Variants in TMEM108 observed in about 807,000 individuals in gnomAD.
TMEM108 encodes cancer/testis antigen 124.
TMEM108 carries 12 observed loss-of-function variants against 35.1 expected under a neutral mutation model. That is an observed-to-expected ratio of 0.34 (90% CI 0.22 to 0.55). TMEM108 has a LOEUF of 0.55. Among genes scored for constraint, TMEM108 ranks in the 20% least tolerant of loss-of-function variants. The pLI is 0.89. For synonymous variants in TMEM108, 287 were observed against 308.6 expected (o/e 0.93, Z 0.73); for missense variants, 680 against 753.3 (o/e 0.90, Z 1.14).
intron 3 of TMEM108, among the ~76,000 whole-genome samples, chr3:133,240,081 C>T (rs1946291940): frequency 6.6e-6 from 1 of 152,156 alleles, no homozygotes; most frequent in South Asian, 2.1e-4. Context: ...GCAGCTGTCT[C>T]ATTTTAGAAC....
intron 3 of TMEM108, among the ~76,000 whole-genome samples, chr3:133,264,113 C>G (rs1445235010): frequency 6.6e-6 from 1 of 152,114 alleles, no homozygotes; most frequent in Non-Finnish European, 1.5e-5. Flanking sequence ...CAAGACCAGT[C>G]TGAGAAACGT....
At chr3:133,166,659 T>C (rs1945042604) in intron 2 of TMEM108, among the ~76,000 whole-genome samples, 1 of 152,136 alleles carries the variant, frequency 6.6e-6, no homozygotes, top group Non-Finnish European at 1.5e-5. Context: ...TGTTCATTCC[T>C]CCCGGTGGGT....
intron 2 of TMEM108, among the ~76,000 whole-genome samples, chr3:133,074,966 T>A (rs1416906013): frequency 4.0e-5 from 6 of 151,828 alleles, no homozygotes; most frequent in Non-Finnish European, 2.9e-5. Context: ...TATTATAAAA[T>A]ATGTATTGTG....
chr3:133,069,970 A>G (rs1447921757), intron 2 of TMEM108, among the ~76,000 whole-genome samples: 2 of 152,054 alleles, frequency 1.3e-5, no homozygotes, highest in African/African-American at 4.8e-5. Flanking sequence ...TAAATTTCTC[A>G]TCTTCCTATC....
chr3:133,206,830 G>A (rs1945762107), intron 2 of TMEM108, among the ~76,000 whole-genome samples: 2 of 152,200 alleles, frequency 1.3e-5, no homozygotes, highest in South Asian at 4.1e-4. Flanking sequence ...CTTGAGCACT[G>A]TGCTGGGAGA....
At chr3:133,188,504 A>ATGGT (rs2107811668) in intron 2 of TMEM108, among the ~76,000 whole-genome samples, 1 of 151,788 alleles carries the variant, frequency 6.6e-6, no homozygotes, top group South Asian at 2.1e-4. Flanking sequence ...TTTGGCCACC[A>ATGGT]GTTCCAGGTT....
At chr3:133,111,764 A>T (rs1357415118) in intron 2 of TMEM108, among the ~76,000 whole-genome samples, 2 of 152,184 alleles carry the variant, frequency 1.3e-5, no homozygotes, top group Non-Finnish European at 2.9e-5. Flanking sequence ...CTTGTTCTTC[A>T]TACCTTACAG....
At chr3:133,312,748 A>G (rs1415596249) in intron 3 of TMEM108, among the ~76,000 whole-genome samples, 1 of 152,216 alleles carries the variant, frequency 6.6e-6, no homozygotes, top group East Asian at 1.9e-4. Context: ...CTGTCCAACC[A>G]GTCCCAGTGA....
chr3:133,128,537 T>C (rs897657764), intron 2 of TMEM108, among the ~76,000 whole-genome samples: 1 of 152,202 alleles, frequency 6.6e-6, no homozygotes, highest in Non-Finnish European at 1.5e-5. Flanking sequence ...AGGATCTTTA[T>C]TGCCTTTATT....
At chr3:133,216,708 G>C (rs778939744) in intron 2 of TMEM108, among the ~76,000 whole-genome samples, 1 of 151,996 alleles carries the variant, frequency 6.6e-6, no homozygotes, top group Non-Finnish European at 1.5e-5. Flanking sequence ...TCTGTGCTGG[G>C]CTTATTTCAC....
chr3:133,299,821 A>G (rs569185790), intron 3 of TMEM108, among the ~76,000 whole-genome samples: 1 of 152,290 alleles, frequency 6.6e-6, no homozygotes, highest in Non-Finnish European at 1.5e-5. Flanking sequence ...TTTAACAATC[A>G]TACATCTGTT....
At chr3:133,122,390 T>C (rs1032149027) in intron 2 of TMEM108, among the ~76,000 whole-genome samples, 1 of 152,206 alleles carries the variant, frequency 6.6e-6, no homozygotes, top group African/African-American at 2.4e-5. Context: ...TTCTGTAGTT[T>C]CTTGCTTGCT....
At chr3:133,201,177 A>C (rs933009908) in intron 2 of TMEM108, among the ~76,000 whole-genome samples, 4 of 152,172 alleles carry the variant, frequency 2.6e-5, no homozygotes, top group African/African-American at 9.7e-5. Flanking sequence ...GTATATCCAC[A>C]GCTTAAGCCT....
At chr3:133,236,841 C>G (rs1002291777) in intron 3 of TMEM108, among the ~76,000 whole-genome samples, 3 of 152,046 alleles carry the variant, frequency 2.0e-5, no homozygotes, top group Admixed American at 6.6e-5. Flanking sequence ...CCCAAAGCCC[C>G]CAACATGCTA....
intron 2 of TMEM108, among the ~76,000 whole-genome samples, chr3:133,077,370 A>G (rs986052725): frequency 6.6e-6 from 1 of 152,110 alleles, no homozygotes; most frequent in Admixed American, 6.5e-5. Context: ...GGAGCAAGTT[A>G]TATGAGGTAG....
At chr3:133,237,709 A>G (rs1946258501) in intron 3 of TMEM108, among the ~76,000 whole-genome samples, 1 of 152,198 alleles carries the variant, frequency 6.6e-6, no homozygotes, top group African/African-American at 2.4e-5. Context: ...GCAGAAGCTG[A>G]TAAGAGAACC....
intron 2 of TMEM108, among the ~76,000 whole-genome samples, chr3:133,176,684 G>C (rs1410077947): frequency 6.7e-6 from 1 of 149,424 alleles, no homozygotes; most frequent in South Asian, 2.1e-4. Context: ...AGAGGGAAAT[G>C]TATAGCACTA....
intron 2 of TMEM108, among the ~76,000 whole-genome samples, chr3:133,117,563 C>T (rs1213318342): frequency 6.6e-6 from 1 of 152,156 alleles, no homozygotes; most frequent in Non-Finnish European, 1.5e-5. Context: ...CCATGGTAAT[C>T]ACTGCTGACC....
chr3:133,086,829 G>A (rs549232938), intron 2 of TMEM108, among the ~76,000 whole-genome samples: 2 of 152,342 alleles, frequency 1.3e-5, no homozygotes, highest in Admixed American at 6.5e-5. Flanking sequence ...GCATTACATG[G>A]ATGTGTGCGG....
Sources: allele counts gnomAD v4.1 joint callset (sites outside exome capture counted in the v4.1 genomes callset), GRCh38; gene constraint gnomAD v4.1.1; transcripts MANE v1.5; gene names NCBI Gene and HGNC (gene_info 2026-07-23, HGNC 2026-07-21).